The following NARS1 variants were observed in gnomAD, a reference collection of about 807,000 sequenced individuals.
The protein encoded by NARS1 is asparaginyl-tRNA synthetase 1, also known as asparagine--tRNA ligase, cytoplasmic.
Under a neutral mutation model 79.2 loss-of-function variants are expected in NARS1, and 65 were observed. That is an observed-to-expected ratio of 0.82 (90% CI 0.67 to 1.01). The LOEUF is 1.01. NARS1 is among the 50% of genes least tolerant of loss of function. The pLI, the probability that NARS1 is intolerant of heterozygous loss-of-function variation, is 0.00. For missense variants in NARS1, 649 were observed against 673.8 expected, an observed-to-expected ratio of 0.96 and a Z score of 0.41; for synonymous variants, 229 against 238.8, an observed-to-expected ratio of 0.96 and a Z score of 0.38.
At chr18:57,621,563 T>TGCCCCCCCCCCCCCC in intron 1 of NARS1, 145 bp downstream of exon 1, 1 of 300,806 alleles carries the variant, frequency 3.3e-6, no homozygotes. Context: ...GCCAGCACCC[T>TGCCCCCCCCCCCCCC]CCCTCCCTCC....
At chr18:57,602,206 A>G (rs2051512927) in intron 13 of NARS1, 149 bp downstream of exon 13, 1 of 716,112 alleles carries the variant, frequency 1.4e-6, no homozygotes, top group East Asian at 2.8e-5. Flanking sequence ...AGCTGGCAAT[A>G]TTCACACACC....
intron 2 of NARS1, among the ~76,000 whole-genome samples, chr18:57,617,891 G>C (rs7234963): frequency 1.3e-5 from 2 of 148,872 alleles, no homozygotes; most frequent in South Asian, 2.1e-4. Context: ...CTCCAGCCTG[G>C]GTGACAGTGT....
intron 6 of NARS1, among the ~76,000 whole-genome samples, chr18:57,610,551 G>T (rs1386623305): frequency 6.6e-6 from 1 of 152,184 alleles, no homozygotes; most frequent in Non-Finnish European, 1.5e-5. Flanking sequence ...CTTTGCCCAT[G>T]AAGTAGTTGT....
chr18:57,621,603 G>T, intron 1 of NARS1, 105 bp downstream of exon 1: 1 of 640,324 alleles, frequency 1.6e-6, no homozygotes. Flanking sequence ...AAACATTCGC[G>T]GGGCGCCCAC....
At chr18:57,609,321 T>C (rs781622358) in intron 7 of NARS1, 36 bp downstream of exon 7, 2 of 1,501,470 alleles carry the variant, frequency 1.3e-6, no homozygotes, top group Non-Finnish European at 1.9e-6. Flanking sequence ...ATAAATAAAC[T>C]ATTCATTCAC....
At chr18:57,620,016 G>C (rs1908235390) in intron 2 of NARS1, among the ~76,000 whole-genome samples, 1 of 152,142 alleles carries the variant, frequency 6.6e-6, no homozygotes, top group South Asian at 2.1e-4. Context: ...AAACCCCTTT[G>C]AGAATGAGCT....
chr18:57,620,699 G>T, intron 1 of NARS1, 48 bp from the exon 2 acceptor site: 1 of 1,106,484 alleles, frequency 9.0e-7, no homozygotes, highest in Non-Finnish European at 1.4e-6. Context: ...TTAACTATTA[G>T]TCACCTTACT....
At position 57,621,787 on chromosome 18, in the gene NARS1, T is replaced by G. The variant is rs925209446; in HGVS notation, c.-70A>C. On this transcript the variant is annotated 5_prime_UTR_variant, in exon 1 of 14. Transcript: ENST00000256854. ...CCGACGCCGTCTTATGACTCCAACG[T>G]GCACCGGCGGTTTCCGCGATTCCGG... is the stretch of plus-strand genomic sequence containing the variant. The G allele has an allele frequency of 1.2e-5, 20 of 1,611,222 alleles. No individual in the cohort carries two copies. In the East Asian group the frequency reaches 2.7e-4, roughly 22 times the overall value.
Position 57,615,993 on chromosome 18 carries a change from G to C in NARS1, c.94-18C>G, listed in dbSNP as rs779913214. 2 of 1,576,170 alleles carry C rather than the reference G, an allele frequency of 1.3e-6. No homozygotes were observed. The highest frequency in any genetic ancestry group is 1.7e-6 in the Non-Finnish European group (2 of 1,164,610). ...ATCAAAGCCTTGGGTAGGGAGGAGAGAAAAGACAGTTCTTGAACATTGTAC... is the reference window on the plus strand; with the variant it reads ...ATCAAAGCCTTGGGTAGGGAGGAGACAAAAGACAGTTCTTGAACATTGTAC... On this transcript the variant is annotated intron_variant, in intron 2 of 13. Transcript: ENST00000256854.
intron 6 of NARS1, among the ~76,000 whole-genome samples, chr18:57,610,539 A>G (rs1170404227): frequency 6.6e-6 from 1 of 152,204 alleles, no homozygotes; most frequent in Non-Finnish European, 1.5e-5. Context: ...AAAAGAACAC[A>G]GCTTTGCCCA....
chr18:57,620,613 T>A lies in NARS1; in HGVS notation c.49A>T (p.Thr17Ser). The change falls in exon 2 of 14, where the codon ACG (threonine) becomes TCG (serine). Residue 17 changes from threonine (T) to serine (S), a missense_variant. Coordinates refer to ENST00000256854, the MANE Select transcript of NARS1 (RefSeq NM_004539.4). ...YVSDREGSDA[T>S]GDGTKEKPFK... The stretch of plus-strand genomic sequence containing the variant: ...GGTTTCTCCTTGGTTCCATCTCCCG[T>A]GGCATCGCTTCCCTCTCGGTCAGAG... 6.2e-7 allele frequency: 1 copy of A among 1,613,986 alleles called. No individual in the cohort carries two copies. Among genetic ancestry groups the A allele is most frequent in the Non-Finnish European group, 8.5e-7 (1 of 1,179,924 alleles).
chr18:57,603,933 TC>T (rs1264858274), intron 11 of NARS1, among the ~76,000 whole-genome samples: 1 of 151,894 alleles, frequency 6.6e-6, no homozygotes, highest in African/African-American at 2.4e-5. Context: ...TCTAGTGTCC[TC>T]ATGTGTGTGG....
chr18:57,613,216 G>T (rs936531929), intron 5 of NARS1, among the ~76,000 whole-genome samples: 3 of 151,294 alleles, frequency 2.0e-5, no homozygotes, highest in Non-Finnish European at 4.4e-5. Context: ...AAAGAGGGCC[G>T]GGCGCAGCGG....
In NARS1 at chr18:57,613,621, G is replaced by A. The variant is rs777231732; in HGVS notation, c.402C>T (p.Val134=). The part of the protein sequence containing the change: ...RGQRVKVFGW[V]HRLRRQGKNL... ...ATTTACCTTGCCTGCGCAGCCTGTG[G>A]ACCCAGCCAAACACCTTTACTCTTT... is the stretch of plus-strand genomic sequence containing the variant. Residue 134 remains valine, a synonymous_variant, in exon 5 of 14, where the codon GTC becomes GTT. Transcript: ENST00000256854. The A allele has an allele frequency of 8.7e-6, 14 of 1,613,906 alleles. No individual in the cohort carries two copies. The highest frequency in any genetic ancestry group is 1.3e-5 in the African/African-American group (1 of 74,894).
Position 57,609,308 on chromosome 18 carries a change from C to G in NARS1, c.579+49G>C, listed in dbSNP as rs765082141. 11 of 1,439,850 alleles carry G rather than the reference C, an allele frequency of 7.6e-6. No individual in the cohort carries two copies. The South Asian group carries it at 1.2e-4, about 15-fold the overall frequency. 89.2% of individuals were successfully genotyped at this position (1,439,850 alleles called of 1,614,324 possible). A position where few individuals can be genotyped will look rare whatever the true frequency, so the allele number is the denominator to read the frequency against. ...ACAAACAAAGACACTGGAAAACAAA[C>G]CAATAAATAAACTATTCATTCACCC... On this transcript the variant is annotated intron_variant, in intron 7 of 13. Coordinates refer to ENST00000256854, the MANE Select transcript of NARS1 (RefSeq NM_004539.4).
At position 57,605,158 on chromosome 18, in the gene NARS1, T is replaced by C. The variant is rs1335455265; in HGVS notation, c.1251+699A>G. ...AAATATATATATATATATATATCTA[T>C]ATACCAACATTTTGCATGTGATTTC... On this transcript the variant is annotated intron_variant, in intron 11 of 13. Coordinates refer to ENST00000256854, the MANE Select transcript of NARS1 (RefSeq NM_004539.4). 1.3e-5 allele frequency among the ~76,000 whole-genome samples: 2 copies of C among 148,748 alleles called. No individual in the cohort carries two copies. The highest frequency in any genetic ancestry group is 6.7e-5 in the Admixed American group (1 of 14,922).
intron 11 of NARS1, among the ~76,000 whole-genome samples, chr18:57,604,895 A>G (rs1031811940): frequency 5.3e-5 from 8 of 152,114 alleles, no homozygotes; most frequent in African/African-American, 1.9e-4. Context: ...TCCCAAATAA[A>G]GAAAATTTGC....
chr18:57,612,066 T>A (rs2051608709), intron 5 of NARS1, among the ~76,000 whole-genome samples: 1 of 152,136 alleles, frequency 6.6e-6, no homozygotes, highest in South Asian at 2.1e-4. Context: ...CATGACTTAA[T>A]CTTATCTAAA....
chr18:57,608,619 A>T (rs2051581425), intron 7 of NARS1, among the ~76,000 whole-genome samples: 1 of 152,178 alleles, frequency 6.6e-6, no homozygotes, highest in Non-Finnish European at 1.5e-5. Context: ...GTAAGGCTGG[A>T]AATCATTGTA....
Sources: gnomAD v4.1 joint callset for allele counts (sites outside exome capture counted in the v4.1 genomes callset) on GRCh38, gnomAD v4.1.1 for gene constraint, MANE v1.5 for transcripts, NCBI Gene and HGNC (gene_info 2026-07-23, HGNC 2026-07-21) for gene names.